BMPR1B: variants seen among roughly 807,000 people sequenced by gnomAD.
BMPR1B encodes bone morphogenetic protein receptor type 1B.
Under a neutral mutation model 59.1 loss-of-function variants are expected in BMPR1B, and 12 were observed. The observed-to-expected ratio is 0.20, with a 90% confidence interval of 0.13 to 0.33. The LOEUF is 0.33. Ranked by LOEUF, BMPR1B falls within the 10% of genes least tolerant of loss-of-function variation. The pLI, the probability that BMPR1B is intolerant of heterozygous loss-of-function variation, is 1.00. For missense variants in BMPR1B, 550 were observed against 610.9 expected, an observed-to-expected ratio of 0.90 and a Z score of 1.05; for synonymous variants, 237 against 207.3, an observed-to-expected ratio of 1.14 and a Z score of -1.23.
At chr4:95,071,542 A>G (rs945907232) in intron 3 of BMPR1B, among the ~76,000 whole-genome samples, 4 of 151,496 alleles carry the variant, frequency 2.6e-5, no homozygotes, top group African/African-American at 4.9e-5. Context: ...CTGAGCTTAC[A>G]TTGGATACTC....
At chr4:94,998,436 C>T (rs988829632) in intron 3 of BMPR1B, among the ~76,000 whole-genome samples, 16 of 150,584 alleles carry the variant, frequency 1.1e-4, no homozygotes, top group African/African-American at 3.7e-4. Context: ...TGCAATGGCG[C>T]GATCTTAGCT....
chr4:95,148,643 T>A (rs1423312666), intron 10 of BMPR1B, 105 bp from the exon 11 acceptor site: 3 of 1,180,820 alleles, frequency 2.5e-6, no homozygotes, highest in Non-Finnish European at 2.5e-6. Flanking sequence ...GGAAAGTTTT[T>A]CTTTTCCACT....
chr4:94,961,940 A>G (rs927547430), intron 2 of BMPR1B, among the ~76,000 whole-genome samples: 8 of 152,212 alleles, frequency 5.3e-5, no homozygotes, highest in Admixed American at 1.3e-4. Context: ...TTTGTGTTAG[A>G]AACATTTCAA....
intron 2 of BMPR1B, among the ~76,000 whole-genome samples, chr4:94,890,308 AC>A (rs1055484551): frequency 6.6e-6 from 1 of 151,822 alleles, no homozygotes; most frequent in African/African-American, 2.4e-5. Context: ...TAATGAGGTA[AC>A]CCCCTCTCCC....
chr4:94,960,956 A>G (rs1730329995), intron 2 of BMPR1B, among the ~76,000 whole-genome samples: 1 of 152,096 alleles, frequency 6.6e-6, no homozygotes, highest in Non-Finnish European at 1.5e-5. Context: ...ACTCAAGTTC[A>G]TATCTTGAAG....
intron 6 of BMPR1B, among the ~76,000 whole-genome samples, chr4:95,119,364 C>A (rs1216061506): frequency 6.6e-6 from 1 of 151,942 alleles, no homozygotes; most frequent in African/African-American, 2.4e-5. Flanking sequence ...TATTATGATA[C>A]CTTGAATTTA....
At chr4:94,920,948 G>A (rs1488108156) in intron 2 of BMPR1B, among the ~76,000 whole-genome samples, 1 of 152,152 alleles carries the variant, frequency 6.6e-6, no homozygotes, top group East Asian at 1.9e-4. Context: ...GGAATAATAT[G>A]TTCAAAGTTG....
At chr4:95,099,062 T>C (rs1730639817) in intron 3 of BMPR1B, among the ~76,000 whole-genome samples, 1 of 152,126 alleles carries the variant, frequency 6.6e-6, no homozygotes, top group Non-Finnish European at 1.5e-5. Flanking sequence ...TTGTGACTTG[T>C]GCAGATTGTA....
intron 3 of BMPR1B, among the ~76,000 whole-genome samples, chr4:95,046,286 A>G (rs1040907737): frequency 6.6e-5 from 10 of 152,340 alleles, no homozygotes; most frequent in African/African-American, 2.4e-4. Flanking sequence ...TGTTTGTGAC[A>G]GGAACAACTT....
At chr4:95,001,097 G>C (rs1257790430) in intron 3 of BMPR1B, among the ~76,000 whole-genome samples, 1 of 152,014 alleles carries the variant, frequency 6.6e-6, no homozygotes. Flanking sequence ...TATAAGGCCA[G>C]TATTTTTTTT....
At chr4:95,016,944 C>A (rs1163861604) in intron 3 of BMPR1B, among the ~76,000 whole-genome samples, 1 of 152,192 alleles carries the variant, frequency 6.6e-6, no homozygotes, top group African/African-American at 2.4e-5. Context: ...TAGGGAGACA[C>A]AGCAGCATTG....
chr4:94,845,837 A>T (rs1725303574), intron 1 of BMPR1B, among the ~76,000 whole-genome samples: 1 of 152,212 alleles, frequency 6.6e-6, no homozygotes, highest in Non-Finnish European at 1.5e-5. Context: ...ATCCTTTAAG[A>T]AGAAATAGCC....
chr4:94,991,222 CT>C (rs2149098076), intron 2 of BMPR1B, among the ~76,000 whole-genome samples: 1 of 152,292 alleles, frequency 6.6e-6, no homozygotes, highest in South Asian at 2.1e-4. Context: ...ATGCCCTTGT[CT>C]TCCTTGACCT....
chr4:94,793,166 C>A (rs374815152), intron 1 of BMPR1B, among the ~76,000 whole-genome samples: 9 of 152,066 alleles, frequency 5.9e-5, no homozygotes, highest in East Asian at 5.8e-4. Flanking sequence ...ATCCCTCCCC[C>A]CTTCCCCCAC....
intron 2 of BMPR1B, among the ~76,000 whole-genome samples, chr4:94,930,556 A>C (rs946582038): frequency 6.6e-6 from 1 of 152,156 alleles, no homozygotes; most frequent in East Asian, 1.9e-4. Flanking sequence ...GATTTAGTAT[A>C]GGGCTAGTAG....
intron 1 of BMPR1B, among the ~76,000 whole-genome samples, chr4:94,810,177 C>T (rs1219179870): frequency 1.3e-5 from 2 of 152,186 alleles, no homozygotes; most frequent in East Asian, 1.9e-4. Context: ...TAGCATTCCA[C>T]ATATTGGCAT....
intron 1 of BMPR1B, among the ~76,000 whole-genome samples, chr4:94,833,368 T>A (rs991348024): frequency 7.9e-5 from 12 of 152,242 alleles, no homozygotes; most frequent in South Asian, 4.1e-4. Context: ...TTCATTATTC[T>A]TAGGGTAAAG....
At chr4:94,835,107 G>A (rs1469551967) in intron 1 of BMPR1B, among the ~76,000 whole-genome samples, 1 of 151,918 alleles carries the variant, frequency 6.6e-6, no homozygotes, top group African/African-American at 2.4e-5. Flanking sequence ...GTATAGAAAG[G>A]TGTAAAGATC....
chr4:94,880,350 A>C (rs1000636644), intron 2 of BMPR1B, among the ~76,000 whole-genome samples: 2 of 152,130 alleles, frequency 1.3e-5, no homozygotes, highest in African/African-American at 4.8e-5. Context: ...TTTGAGACAA[A>C]GTCTCCCTTT....
Sources: gnomAD v4.1 joint callset for allele counts (sites outside exome capture counted in the v4.1 genomes callset) on GRCh38, gnomAD v4.1.1 for gene constraint, MANE v1.5 for transcripts, NCBI Gene and HGNC (gene_info 2026-07-23, HGNC 2026-07-21) for gene names.